Variants in FRMPD3 observed in about 807,000 individuals in gnomAD.
FRMPD3 encodes the protein FERM and PDZ domain-containing protein 3.
A neutral mutation model predicts 97.9 loss-of-function variants in FRMPD3; 42 were observed. The ratio of observed to expected loss-of-function variants is 0.43; its 90% CI spans 0.34 to 0.55. The LOEUF (loss-of-function observed/expected upper bound fraction) is 0.55. FRMPD3 is among the 20% of genes least tolerant of loss of function. FRMPD3 has a pLI of 0.03. For missense variants in FRMPD3, 1,303 were observed against 1,457.7 expected (o/e 0.89, Z 1.73); for synonymous variants, 577 against 581.1 (o/e 0.99, Z 0.10).
chrX:107,583,869 C>CTTTTT (rs1270872725), intron 13 of FRMPD3, among the ~76,000 whole-genome samples: 2 of 94,885 alleles, frequency 2.1e-5, no homozygotes, highest in Admixed American at 1.1e-4. Context: ...CTTTTTCTTT[C>CTTTTT]TTTTTTTTTT....
At chrX:107,480,430 C>T (rs762919903) in intron 1 of FRMPD3, among the ~76,000 whole-genome samples, 2 of 111,683 alleles carry the variant, frequency 1.8e-5, no homozygotes, top group South Asian at 7.6e-4. Context: ...TTACGTGTTT[C>T]TCAAGGGCTC....
intron 14 of FRMPD3, 44 bp from the exon 15 acceptor site, chrX:107,600,259 C>T (rs377294681): frequency 5.7e-5 from 66 of 1,153,050 alleles, no homozygotes; most frequent in Non-Finnish European, 9.2e-6. Flanking sequence ...TGGAAAAGAA[C>T]TTGATTTCAG....
At chrX:107,457,304 A>T (rs1931392989) in intron 1 of FRMPD3, among the ~76,000 whole-genome samples, 1 of 111,890 alleles carries the variant, frequency 8.9e-6, no homozygotes, top group Non-Finnish European at 1.9e-5. Flanking sequence ...AATGTTTGGA[A>T]AACATTTGGA....
intron 8 of FRMPD3, among the ~76,000 whole-genome samples, chrX:107,555,896 C>T (rs1922058392): frequency 9.0e-6 from 1 of 111,368 alleles, no homozygotes; most frequent in South Asian, 3.8e-4. Flanking sequence ...AGGGCTAGAA[C>T]CAGGGCCATG....
intron 1 of FRMPD3, among the ~76,000 whole-genome samples, chrX:107,481,240 G>C (rs1921363064): frequency 8.9e-6 from 1 of 112,169 alleles, no homozygotes; most frequent in South Asian, 3.8e-4. Flanking sequence ...CCAGCACTAG[G>C]GCCCTCCAGA....
chrX:107,527,708 G>A (rs1266695476), intron 2 of FRMPD3, among the ~76,000 whole-genome samples: 2 of 112,252 alleles, frequency 1.8e-5, no homozygotes, highest in Admixed American at 9.4e-5. Flanking sequence ...ACAGTTTCTC[G>A]CTCAGTCAAG....
At chrX:107,524,155 G>A (rs778927990) in intron 1 of FRMPD3, among the ~76,000 whole-genome samples, 2 of 112,381 alleles carry the variant, frequency 1.8e-5, no homozygotes, top group South Asian at 7.4e-4. Context: ...AATAGCCCTA[G>A]GGGTGAGGCA....
At chrX:107,534,644 T>A (rs763783439) in intron 4 of FRMPD3, among the ~76,000 whole-genome samples, 2 of 111,394 alleles carry the variant, frequency 1.8e-5, no homozygotes, top group African/African-American at 6.5e-5. Flanking sequence ...CCCAGACCTC[T>A]TCTGCATCAG....
At chrX:107,557,181 G>A (rs1054534277) in intron 8 of FRMPD3, among the ~76,000 whole-genome samples, 2 of 110,521 alleles carry the variant, frequency 1.8e-5, no homozygotes, top group African/African-American at 6.6e-5. Flanking sequence ...GTGCGTAGTG[G>A]CATCTCATTG....
intron 13 of FRMPD3, among the ~76,000 whole-genome samples, chrX:107,590,023 C>T (rs752696219): frequency 2.2e-4 from 24 of 111,577 alleles, no homozygotes; most frequent in African/African-American, 4.6e-4. Flanking sequence ...GGGGTGGTGG[C>T]GTGCGCCTGT....
chrX:107,550,006 C>A, intron 5 of FRMPD3, 43 bp from the exon 6 acceptor site: 1 of 900,981 alleles, frequency 1.1e-6, no homozygotes, highest in Non-Finnish European at 1.6e-6. Context: ...CTACTTCCTT[C>A]TAAATGAGCC....
intron 13 of FRMPD3, among the ~76,000 whole-genome samples, chrX:107,596,019 T>G (rs1282818950): frequency 9.0e-6 from 1 of 111,572 alleles, no homozygotes; most frequent in African/African-American, 3.3e-5. Context: ...AATTGTGTAT[T>G]TTTCCCTTCA....
chrX:107,496,620 T>G (rs1174419797), intron 1 of FRMPD3, among the ~76,000 whole-genome samples: 2 of 112,182 alleles, frequency 1.8e-5, no homozygotes, highest in Non-Finnish European at 3.8e-5. Flanking sequence ...TGATCACCAC[T>G]GTGTCTGACT....
chrX:107,459,700 A>G (rs953704387), intron 1 of FRMPD3, among the ~76,000 whole-genome samples: 4 of 112,727 alleles, frequency 3.5e-5, no homozygotes, highest in Non-Finnish European at 7.5e-5. Flanking sequence ...ATGAATGAGT[A>G]CAGTAGTTCT....
intron 11 of FRMPD3, 64 bp from the exon 12 acceptor site, chrX:107,564,823 C>A: frequency 9.1e-7 from 1 of 1,104,163 alleles, no homozygotes; most frequent in Non-Finnish European, 1.2e-6. Flanking sequence ...CCTCCTCCTG[C>A]CTCCTCTCCC....
In FRMPD3 at chrX:107,602,259, C is replaced by T. The variant is rs758827222; in HGVS notation, c.4220C>T (p.Ser1407Leu). The T allele has an allele frequency of 6.3e-5, 76 of 1,206,709 alleles. No individual in the cohort carries two copies. Among genetic ancestry groups the T allele is most frequent in the Admixed American group, 3.7e-4 (17 of 45,692 alleles). Reference protein sequence around the residue: ...ISELDQGDRASLTSDVYPHPP... With the variant: ...ISELDQGDRALLTSDVYPHPP... ...GAGCTGGACCAGGGTGACAGGGCCT[C>T]GCTGACCTCGGATGTCTACCCACAT... The change falls in exon 15 of 15, where the codon TCG becomes TTG. Residue 1407 changes from serine (S) to leucine (L), a missense_variant. Transcript: ENST00000683843.
rs757851286 is a variant in FRMPD3 at position 107,557,710 on chromosome X, G to C, written c.763-2547G>C. Among the ~76,000 whole-genome samples, 5 of 86,859 alleles carry C rather than the reference G, an allele frequency of 5.8e-5. No individual in the cohort carries two copies. In the East Asian group the frequency reaches 1.9e-3, roughly 32 times the overall value. 75.4% of individuals were successfully genotyped at this position (86,859 alleles called of 115,157 possible). The stretch of plus-strand genomic sequence containing the variant: ...GTGTGTGTGTTTTTTTTTGCATATG[G>C]ATATCCAATTGTTATAGCACCTTTT... On this transcript the variant is annotated intron_variant, in intron 8 of 14. Coordinates refer to ENST00000683843, the MANE Select transcript of FRMPD3 (RefSeq NM_001388459.1).
intron 13 of FRMPD3, among the ~76,000 whole-genome samples, chrX:107,584,781 C>T (rs1165189767): frequency 9.0e-6 from 1 of 111,639 alleles, no homozygotes; most frequent in African/African-American, 3.3e-5. Flanking sequence ...TCTGAAGTCT[C>T]TGTTCTGTTC....
intron 1 of FRMPD3, among the ~76,000 whole-genome samples, chrX:107,509,340 C>A (rs1481536548): frequency 8.9e-6 from 1 of 111,893 alleles, no homozygotes; most frequent in African/African-American, 3.3e-5. Flanking sequence ...ACCCTTCCTG[C>A]CTCCTCTCAT....
Sources: allele counts gnomAD v4.1 joint callset (sites outside exome capture counted in the v4.1 genomes callset), GRCh38; gene constraint gnomAD v4.1.1; transcripts MANE v1.5; gene names NCBI Gene and HGNC (gene_info 2026-07-23, HGNC 2026-07-21).